Variants in SSH2 observed in about 807,000 individuals in gnomAD.
SSH2 encodes the protein protein phosphatase Slingshot homolog 2.
In SSH2, 37 loss-of-function variants were observed where a neutral mutation model predicts 135.2. That is an observed-to-expected ratio of 0.27 (90% CI 0.21 to 0.36). The LOEUF (loss-of-function observed/expected upper bound fraction) is 0.36. Ranked by LOEUF, SSH2 falls within the 10% of genes least tolerant of loss-of-function variation. SSH2 has a pLI of 1.00. For synonymous variants in SSH2, 628 were observed against 646.2 expected (o/e 0.97, Z 0.43); for missense variants, 1,408 against 1,765.3 (o/e 0.80, Z 3.63).
chr17:29,821,228 A>C (rs1332861218), intron 2 of SSH2, among the ~76,000 whole-genome samples: 1 of 152,088 alleles, frequency 6.6e-6, no homozygotes. Flanking sequence ...TTGTATTATA[A>C]ATTACATGCA....
chr17:29,773,699 T>TG (rs1327717657), intron 3 of SSH2, among the ~76,000 whole-genome samples: 3 of 152,234 alleles, frequency 2.0e-5, no homozygotes. Flanking sequence ...TATTTTTAGA[T>TG]GGAGTTTTGC....
chr17:29,720,416 TAAAA>T (rs2039781646), intron 3 of SSH2, among the ~76,000 whole-genome samples: 1 of 152,162 alleles, frequency 6.6e-6, no homozygotes. Flanking sequence ...AGGCTGAACA[TAAAA>T]AATATATTGC....
At chr17:29,874,594 AAAG>A (rs1459613332) in intron 1 of SSH2, among the ~76,000 whole-genome samples, 1 of 152,062 alleles carries the variant, frequency 6.6e-6, no homozygotes, top group African/African-American at 2.4e-5. Context: ...GTCATCTTGT[AAAG>A]AAGGTGCCTT....
chr17:29,632,191 T>TGAC lies in SSH2; in HGVS notation c.3000_3002dup (p.Ser1001dup), dbSNP rs755237781. On this transcript the variant is annotated inframe_insertion, in exon 16 of 16. Coordinates refer to ENST00000540801, the MANE Select transcript of SSH2 (RefSeq NM_001282129.2). ...CTCCTTCCTGCTGTGTTCCAGTATC[T>TGAC]GACCCTGGGCCCTCCTGAGGATCTG... 20 of 1,613,934 alleles carry TGAC rather than the reference T, an allele frequency of 1.2e-5. No individual in the cohort carries two copies. Among genetic ancestry groups the TGAC allele is most frequent in the Non-Finnish European group, 1.6e-5 (19 of 1,179,992 alleles).
At chr17:29,922,950 A>G (rs1474103847) in intron 1 of SSH2, among the ~76,000 whole-genome samples, 1 of 152,224 alleles carries the variant, frequency 6.6e-6, no homozygotes, top group East Asian at 1.9e-4. Context: ...ATGCTCTGTT[A>G]CCCAGGCTGG....
At chr17:29,786,304 A>C (rs2041962928) in intron 3 of SSH2, among the ~76,000 whole-genome samples, 1 of 152,178 alleles carries the variant, frequency 6.6e-6, no homozygotes, top group African/African-American at 2.4e-5. Flanking sequence ...ACTGAGGTGG[A>C]GCTTCGGGAA....
intron 1 of SSH2, among the ~76,000 whole-genome samples, chr17:29,923,161 TG>T (rs1289838747): frequency 1.3e-5 from 2 of 152,168 alleles, no homozygotes; most frequent in East Asian, 3.8e-4. Flanking sequence ...CCGCCCACCT[TG>T]GCCTCCCAAA....
intron 3 of SSH2, among the ~76,000 whole-genome samples, chr17:29,755,151 T>A (rs2041073538): frequency 6.6e-6 from 1 of 152,182 alleles, no homozygotes; most frequent in South Asian, 2.1e-4. Flanking sequence ...GGCTTCCATA[T>A]TTTTCAGAAG....
intron 2 of SSH2, among the ~76,000 whole-genome samples, chr17:29,835,033 A>G (rs1189730773): frequency 6.6e-6 from 1 of 152,240 alleles, no homozygotes; most frequent in Non-Finnish European, 1.5e-5. Context: ...CTAAAATGTC[A>G]GATTGCCAGG....
At chr17:29,710,923 T>C (rs967206853) in intron 3 of SSH2, among the ~76,000 whole-genome samples, 2 of 152,204 alleles carry the variant, frequency 1.3e-5, no homozygotes, top group African/African-American at 4.8e-5. Flanking sequence ...TCTCTGTAAT[T>C]AGACATTCCC....
chr17:29,849,862 A>G (rs1340162119), intron 1 of SSH2, among the ~76,000 whole-genome samples: 1 of 116,068 alleles, frequency 8.6e-6, no homozygotes, highest in Admixed American at 7.9e-5. Context: ...AAAAGTATAT[A>G]TATATATATA....
rs372419688 is a variant in SSH2 at position 29,769,801 on chromosome 17, C to G, written c.188+24093G>C. Among the ~76,000 whole-genome samples the G allele has an allele frequency of 6.6e-5, 10 of 152,270 alleles. No homozygotes were observed. The East Asian group carries it at 1.9e-3, about 29-fold the overall frequency. ...ATATTATTGACAGATTAACTAAATT[C>G]AGTTTGACTAATCTTGAATACCTGT... On this transcript the variant is annotated intron_variant, in intron 3 of 15. Coordinates refer to ENST00000540801, the MANE Select transcript of SSH2 (RefSeq NM_001282129.2).
intron 3 of SSH2, among the ~76,000 whole-genome samples, chr17:29,711,042 G>C (rs1460250431): frequency 6.6e-6 from 1 of 152,198 alleles, no homozygotes; most frequent in East Asian, 1.9e-4. Context: ...CTGAATGCAA[G>C]AGTCAGGATT....
At chr17:29,697,425 G>GA (rs142419011) in intron 4 of SSH2, among the ~76,000 whole-genome samples, 4 of 151,030 alleles carry the variant, frequency 2.6e-5, no homozygotes, top group African/African-American at 7.3e-5. Context: ...GAGGCAGGAA[G>GA]AAAAAAAAAT....
chr17:29,837,673 G>C (rs932440765), intron 2 of SSH2, among the ~76,000 whole-genome samples: 1 of 152,212 alleles, frequency 6.6e-6, no homozygotes, highest in African/African-American at 2.4e-5. Context: ...CATCCCAGGA[G>C]CCTGTGAGAA....
At chr17:29,708,346 GGGA>G (rs1161925994) in intron 3 of SSH2, among the ~76,000 whole-genome samples, 1 of 152,074 alleles carries the variant, frequency 6.6e-6, no homozygotes, top group African/African-American at 2.4e-5. Flanking sequence ...CCAACACTTT[GGGA>G]GGCCAAGGCG....
chr17:29,756,457 T>C (rs746416309), intron 3 of SSH2, among the ~76,000 whole-genome samples: 5 of 45,646 alleles, frequency 1.1e-4, no homozygotes, highest in Non-Finnish European at 3.0e-4. Context: ...TGCCTATCTG[T>C]CTATCTATCC....
intron 1 of SSH2, among the ~76,000 whole-genome samples, chr17:29,854,057 C>G (rs2151393860): frequency 6.6e-6 from 1 of 151,934 alleles, no homozygotes; most frequent in Admixed American, 6.6e-5. Flanking sequence ...TATTAATCTC[C>G]TTCCTAGATG....
At chr17:29,869,373 T>C (rs1343379315) in intron 1 of SSH2, among the ~76,000 whole-genome samples, 1 of 152,242 alleles carries the variant, frequency 6.6e-6, no homozygotes, top group Non-Finnish European at 1.5e-5. Context: ...AGCAGCTTGC[T>C]GGTGAGCGGA....
Sources: gnomAD v4.1 joint callset for allele counts (sites outside exome capture counted in the v4.1 genomes callset) on GRCh38, gnomAD v4.1.1 for gene constraint, MANE v1.5 for transcripts, NCBI Gene and HGNC (gene_info 2026-07-23, HGNC 2026-07-21) for gene names.